The following MTOR variants were observed in gnomAD, a reference collection of about 807,000 sequenced individuals.
MTOR encodes the protein mechanistic target of rapamycin kinase.
In MTOR, 70 loss-of-function variants were observed where a neutral mutation model predicts 319.8. That is an observed-to-expected ratio of 0.22 (90% CI 0.18 to 0.27). The LOEUF (loss-of-function observed/expected upper bound fraction) is 0.27. Ranked by LOEUF, MTOR falls within the 10% of genes least tolerant of loss-of-function variation. The pLI, the probability that MTOR is intolerant of heterozygous loss-of-function variation, is 1.00. For synonymous variants in MTOR, 1,183 were observed against 1,211.4 expected, an observed-to-expected ratio of 0.98 and a Z score of 0.49; for missense variants, 1,890 against 3,274.4, an observed-to-expected ratio of 0.58 and a Z score of 10.32.
chr1:11,161,077 C>T (rs1388685341), intron 29 of MTOR, among the ~76,000 whole-genome samples: 2 of 152,218 alleles, frequency 1.3e-5, no homozygotes, highest in African/African-American at 4.8e-5. Context: ...AATCGGGTCA[C>T]TCCCACCCTA....
rs374335858 is a variant in MTOR at position 11,185,953 on chromosome 1, G to A, written c.4253+13305C>T. ...AAAAATTAGCTGGGCATGGTGGCAG[G>A]TGCCTGTAGTCCCAGCTACTTGGGA... is the stretch of plus-strand genomic sequence containing the variant. On this transcript the variant is annotated intron_variant, in intron 28 of 57. Transcript: ENST00000361445. Among the ~76,000 whole-genome samples, 570 of 151,906 alleles carry A rather than the reference G, an allele frequency of 3.8e-3. 4 individuals are homozygous for A. Among genetic ancestry groups the A allele is most frequent in the African/African-American group, 0.013 (538 of 41,448 alleles).
chr1:11,244,792 A>C (rs1648605189), intron 8 of MTOR, among the ~76,000 whole-genome samples: 1 of 152,214 alleles, frequency 6.6e-6, no homozygotes, highest in South Asian at 2.1e-4. Flanking sequence ...ACAAACATTT[A>C]CCACTGTTTT....
chr1:11,185,997 G>T (rs949640210), intron 28 of MTOR, among the ~76,000 whole-genome samples: 5 of 151,106 alleles, frequency 3.3e-5, no homozygotes, highest in African/African-American at 1.2e-4. Context: ...CAGGAGAATT[G>T]GCGTGAACCC....
intron 50 of MTOR, 111 bp downstream of exon 50, chr1:11,116,893 C>A (rs1417772595): frequency 2.5e-6 from 2 of 796,422 alleles, no homozygotes; most frequent in Non-Finnish European, 4.2e-6. Flanking sequence ...ATATACAATA[C>A]CAATATTTAT....
At chr1:11,171,977 C>A (rs568624628) in intron 28 of MTOR, among the ~76,000 whole-genome samples, 2 of 150,996 alleles carry the variant, frequency 1.3e-5, no homozygotes, top group African/African-American at 4.9e-5. Flanking sequence ...TTGCAGTGAG[C>A]CAAGATTGTG....
intron 37 of MTOR, among the ~76,000 whole-genome samples, chr1:11,134,068 A>T (rs1643289018): frequency 6.6e-6 from 1 of 152,158 alleles, no homozygotes; most frequent in East Asian, 1.9e-4. Context: ...CTTAAAAAAA[A>T]AAAAGGGAGG....
At chr1:11,216,686 T>C (rs1274553809) in intron 19 of MTOR, among the ~76,000 whole-genome samples, 2 of 147,150 alleles carry the variant, frequency 1.4e-5, no homozygotes, top group African/African-American at 2.5e-5. Flanking sequence ...CAAACTTAAA[T>C]GGTGATAGTG....
intron 6 of MTOR, among the ~76,000 whole-genome samples, chr1:11,249,409 T>A (rs1170268135): frequency 1.6e-5 from 2 of 124,490 alleles, no homozygotes; most frequent in Non-Finnish European, 3.1e-5. Context: ...CACTCCATCT[T>A]TATTTATTTA....
chr1:11,147,423 T>A (rs1359738715), intron 31 of MTOR, among the ~76,000 whole-genome samples: 1 of 152,190 alleles, frequency 6.6e-6, no homozygotes, highest in African/African-American at 2.4e-5. Flanking sequence ...GAAGAGGTAT[T>A]CACTTCTCCT....
chr1:11,157,122 C>A (rs761080130), intron 30 of MTOR, 30 bp downstream of exon 30: 3 of 1,562,648 alleles, frequency 1.9e-6, no homozygotes, highest in African/African-American at 1.4e-5. Context: ...TCTCTTGCAG[C>A]CACACATGCC....
rs777916561 is a variant in MTOR at position 11,150,220 on chromosome 1, T to G, written c.4476A>C (p.Gln1492His). The G allele has an allele frequency of 1.2e-6, 2 of 1,613,518 alleles. No individual in the cohort carries two copies. Among genetic ancestry groups the G allele is most frequent in the Non-Finnish European group, 1.7e-6 (2 of 1,179,744 alleles). Residue 1492 changes from glutamine (Q) to histidine (H), a missense_variant, in exon 31 of 58, where the codon CAA (glutamine) becomes CAC (histidine). This residue lies in a region of MTOR where 276 missense variants were observed against 459.4 expected (regional missense o/e 0.60). Coordinates refer to ENST00000361445, the MANE Select transcript of MTOR (RefSeq NM_004958.4). ...ACTTTTCACAGCACTGCTGGTGGAG[T>G]TGACCCCTGAAGAAAATGAATTATA... ...RCLEALGEWG[Q>H]LHQQCCEKWT...
chr1:11,202,248 T>C (rs886570135), intron 26 of MTOR, among the ~76,000 whole-genome samples: 4 of 151,852 alleles, frequency 2.6e-5, no homozygotes, highest in African/African-American at 9.7e-5. Flanking sequence ...GCTAACATGG[T>C]GAAATCCCAT....
chr1:11,106,700 A>G lies in MTOR; in HGVS notation c.*785T>C, dbSNP rs906301824. 8.4e-7 allele frequency: 1 copy of G among 1,184,012 alleles called. No individual in the cohort carries two copies. Among genetic ancestry groups the G allele is most frequent in the South Asian group, 2.3e-5 (1 of 42,744 alleles). 73.3% of individuals were successfully genotyped at this position (1,184,012 alleles called of 1,614,324 possible). On this transcript the variant is annotated 3_prime_UTR_variant, in exon 58 of 58. Transcript: ENST00000361445. ...TCCCTGTGTTCAGCACCTCCATGAC[A>G]GTATTTCTGTTTTCTGAGCCCTTGC...
intron 28 of MTOR, among the ~76,000 whole-genome samples, chr1:11,176,312 G>C (rs1477741266): frequency 6.6e-6 from 1 of 152,070 alleles, no homozygotes; most frequent in Non-Finnish European, 1.5e-5. Flanking sequence ...CTCAGTCTTG[G>C]TGCCGCGTGA....
intron 1 of MTOR, among the ~76,000 whole-genome samples, chr1:11,260,290 C>T (rs1434903636): frequency 6.6e-6 from 1 of 152,216 alleles, no homozygotes; most frequent in Non-Finnish European, 1.5e-5. Flanking sequence ...CGCCTGTAAT[C>T]CCGGCACTTT....
At chr1:11,217,938 G>A (rs1215408475) in intron 19 of MTOR, among the ~76,000 whole-genome samples, 1 of 151,976 alleles carries the variant, frequency 6.6e-6, no homozygotes, top group Non-Finnish European at 1.5e-5. Context: ...TACAGGATTG[G>A]GCTTAAAGAA....
chr1:11,212,579 C>A lies in MTOR; in HGVS notation c.3399-105G>T. 7.3e-7 allele frequency: 1 copy of A among 1,379,126 alleles called. No homozygotes were observed. The highest frequency in any genetic ancestry group is 2.4e-5 in the East Asian group (1 of 42,448). The allele number at this position is 1,379,126 out of a possible 1,614,324, so 85.4% of individuals were successfully genotyped here. ...TCAGCACCAAAGGGATGGGAATGAA[C>A]GGCTTCTAAGGTATTTTGGATGACA... On this transcript the variant is annotated intron_variant, in intron 22 of 57. Transcript: ENST00000361445. The surrounding 1 kb of genome is among the most constrained non-coding windows in gnomAD (Gnocchi z 4.1).
intron 25 of MTOR, among the ~76,000 whole-genome samples, chr1:11,207,206 A>T (rs1161393948): frequency 6.6e-6 from 1 of 151,932 alleles, no homozygotes; most frequent in Non-Finnish European, 1.5e-5. Flanking sequence ...GGCTCAAGAG[A>T]TCCTCCCACC....
intron 11 of MTOR, 25 bp from the exon 12 acceptor site, chr1:11,238,642 C>G (rs1390411707): frequency 6.3e-7 from 1 of 1,581,498 alleles, no homozygotes; most frequent in Non-Finnish European, 8.6e-7. Flanking sequence ...AGAGAGAAAA[C>G]AGAATAAACA....
Sources: allele counts gnomAD v4.1 joint callset (sites outside exome capture counted in the v4.1 genomes callset), GRCh38; gene constraint gnomAD v4.1.1; regional missense constraint gnomAD v4.1.1; non-coding constraint Gnocchi (gnomAD v3.1); transcripts MANE v1.5; gene names NCBI Gene and HGNC (gene_info 2026-07-23, HGNC 2026-07-21).